Variants in REXO4 observed in about 807,000 individuals in gnomAD.
REXO4 encodes REX4 homolog, 3'-5' exonuclease.
Under a neutral mutation model 39.9 loss-of-function variants are expected in REXO4, and 29 were observed. The observed-to-expected ratio is 0.73, with a 90% CI of 0.54 to 0.99. The LOEUF is 0.99. Ranked by LOEUF, REXO4 falls within the 50% of genes least tolerant of loss-of-function variation. The pLI is 0.00. For synonymous variants in REXO4, 184 were observed against 206.2 expected (o/e 0.89, Z 0.92); for missense variants, 524 against 546.5 (o/e 0.96, Z 0.41).
rs587730404 is a variant in REXO4 at position 133,411,628 on chromosome 9, A to T, written c.911-555T>A. 5.3e-5 allele frequency among the ~76,000 whole-genome samples: 8 copies of T among 152,296 alleles called. No individual in the cohort carries two copies. The South Asian group carries it at 8.3e-4, about 16-fold the overall frequency. On this transcript the variant is annotated intron_variant, in intron 4 of 7. Transcript: ENST00000371942. ...GCCAAGTGGGACCAGCTAATTTTTT[A>T]AAAATATTTTTTAGAAGGCCAGGTG...
Position 133,406,909 on chromosome 9 carries a change from C to A in REXO4, c.*44G>T, listed in dbSNP as rs1248318901. 1.2e-6 allele frequency: 2 copies of A among 1,604,778 alleles called. No individual in the cohort carries two copies. Among genetic ancestry groups the A allele is most frequent in the South Asian group, 2.2e-5 (2 of 91,046 alleles). Reference sequence around the variant, plus strand: ...TGTGATCTGTCCCTGTGACTGGTCACATTGCCTCTGTAGCGGGGCGGCAGC... The same window carrying A: ...TGTGATCTGTCCCTGTGACTGGTCAAATTGCCTCTGTAGCGGGGCGGCAGC... On this transcript the variant is annotated 3_prime_UTR_variant, in exon 8 of 8. Coordinates refer to ENST00000371942, the MANE Select transcript of REXO4 (RefSeq NM_020385.4).
intron 2 of REXO4, chr9:133,414,384 T>C: frequency 1.6e-6 from 1 of 639,300 alleles, no homozygotes; most frequent in East Asian, 3.2e-5. Flanking sequence ...GGGACAGGCC[T>C]CATACTTGGG....
chr9:133,407,014 C>T lies in REXO4; in HGVS notation c.1208G>A (p.Ser403Asn), dbSNP rs1554778988. Residue 403 changes from serine to asparagine, a missense_variant, in exon 8 of 8, where the codon AGC becomes AAC. Transcript: ENST00000371942. ...CAGGGGGCGCCTGTCTCGGGCCATG[C>T]TCTCCCACTCCTTCTTCACCATGAC... Reference protein sequence around the residue: ...LYVMVKKEWESMARDRRPLLT... With the variant: ...LYVMVKKEWENMARDRRPLLT... The T allele has an allele frequency of 2.5e-6, 4 of 1,613,262 alleles. No homozygotes were observed.
chr9:133,412,208 G>T, intron 4 of REXO4, 91 bp downstream of exon 4: 1 of 1,323,200 alleles, frequency 7.6e-7, no homozygotes, highest in Non-Finnish European at 1.1e-6. Context: ...CAGCTGCAGT[G>T]AGTGGTCTCA....
At position 133,407,201 on chromosome 9, in the gene REXO4, C is replaced by T. The variant is rs587605942; in HGVS notation, c.1150-129G>A. The T allele has an allele frequency of 2.9e-5, 41 of 1,412,228 alleles. 1 individual carries two copies. Among genetic ancestry groups the T allele is most frequent in the African/African-American group, 1.1e-4 (8 of 71,474 alleles). The allele number at this position is 1,412,228 out of a possible 1,614,324, so 87.5% of individuals were successfully genotyped here. ...ACTGAGTGAGACATGGACCTGGCCA[C>T]GAGATGTCACCAGGACGGGGAGGGA... On this transcript the variant is annotated intron_variant, in intron 7 of 7. Transcript: ENST00000371942.
intron 4 of REXO4, 33 bp from the exon 5 acceptor site, chr9:133,411,106 C>T (rs372661744): frequency 1.9e-5 from 29 of 1,537,438 alleles, no homozygotes; most frequent in Non-Finnish European, 1.7e-5. Flanking sequence ...CGGTTTTTTG[C>T]AACACACACA....
intron 5 of REXO4, among the ~76,000 whole-genome samples, chr9:133,410,772 C>T (rs1357113788): frequency 1.3e-5 from 2 of 152,208 alleles, no homozygotes; most frequent in East Asian, 3.8e-4. Context: ...GGTATGGGTA[C>T]CCCAGTTTCG....
chr9:133,412,936 T>G lies in REXO4; in HGVS notation c.573-15A>C. On this transcript the variant is annotated splice_polypyrimidine_tract_variant and intron_variant, in intron 2 of 7. Coordinates refer to ENST00000371942, the MANE Select transcript of REXO4 (RefSeq NM_020385.4). ...AGATGTCTTCCCTAAAAGGCAAAGA[T>G]AACAGGCTGATCACCAGAAGACCCT... The G allele has an allele frequency of 1.2e-6, 2 of 1,612,512 alleles. No homozygotes were observed. Among genetic ancestry groups the G allele is most frequent in the Non-Finnish European group, 1.7e-6 (2 of 1,179,318 alleles).
At position 133,409,186 on chromosome 9, in the gene REXO4, C is replaced by T. The variant is rs587641625; in HGVS notation, c.1000-344G>A. 8.5e-5 allele frequency among the ~76,000 whole-genome samples: 13 copies of T among 152,160 alleles called. No homozygotes were observed. In the East Asian group the frequency reaches 2.3e-3, roughly 27 times the overall value. On this transcript the variant is annotated intron_variant, in intron 5 of 7. Coordinates refer to ENST00000371942, the MANE Select transcript of REXO4 (RefSeq NM_020385.4). ...TTTGCCATGTTGGCCAGGCTGGTCT[C>T]GAACTCCTGACCTCAGGTGATCCAC...
chr9:133,417,794 C>T lies in REXO4; in HGVS notation c.51G>A (p.Val17=). ...PASKRAPSSP[V]AKPGPVKTLT... is the part of the protein sequence containing the mutation. ...GCGTCTTGACAGGACCCGGCTTAGC[C>T]ACGGGGCTGCTCGGGGCGCGCTTGG... The change falls in exon 1 of 8, where the codon GTG becomes GTA. Residue 17 remains valine (V), a synonymous_variant. Coordinates refer to ENST00000371942, the MANE Select transcript of REXO4 (RefSeq NM_020385.4). 1 of 1,608,930 alleles carries T rather than the reference C, an allele frequency of 6.2e-7. No homozygotes were observed. The highest frequency in any genetic ancestry group is 1.1e-5 in the South Asian group (1 of 91,072).
Position 133,417,693 on chromosome 9 carries a change from C to T in REXO4, c.152G>A (p.Ser51Asn), listed in dbSNP as rs919229021. ...KAREVSKKPASGPGAVVRPPK... is the reference protein window; with the variant it reads ...KAREVSKKPANGPGAVVRPPK... The stretch of plus-strand genomic sequence containing the variant: ...AGGTCGCACCACAGCACCGGGGCCG[C>T]TTGCTGGCTTCTTGCTTACTTCCCG... Residue 51 changes from serine to asparagine, a missense_variant, in exon 1 of 8, where the codon AGC becomes AAC. Transcript: ENST00000371942. The T allele has an allele frequency of 1.2e-6, 2 of 1,614,038 alleles. No homozygotes were observed. Among genetic ancestry groups the T allele is most frequent in the African/African-American group, 2.7e-5 (2 of 74,956 alleles).
chr9:133,414,573 G>A (rs1681777229), intron 2 of REXO4, 92 bp downstream of exon 2: 1 of 1,071,620 alleles, frequency 9.3e-7, no homozygotes, highest in Non-Finnish European at 1.5e-6. Flanking sequence ...GTGATGGAGA[G>A]ACTGCGGTGA....
In REXO4 at chr9:133,412,348, C is replaced by T. The variant is rs782681565; in HGVS notation, c.861G>A (p.Thr287=). The stretch of plus-strand genomic sequence containing the variant: ...TCCCACTGACCGCTGTCCTATAGTC[C>T]GTCACGGGCTCGGTTGGTTTGACGT... ...DKYVKPTEPV[T]DYRTAVSGIR... Residue 287 remains threonine, a synonymous_variant, in exon 4 of 8, where the codon ACG becomes ACA. Transcript: ENST00000371942. 3.0e-5 allele frequency: 48 copies of T among 1,613,982 alleles called. No homozygotes were observed. Among genetic ancestry groups the T allele is most frequent in the East Asian group, 2.7e-4 (12 of 44,888 alleles).
intron 5 of REXO4, among the ~76,000 whole-genome samples, chr9:133,410,745 G>A (rs957908704): frequency 2.0e-5 from 3 of 152,336 alleles, no homozygotes; most frequent in African/African-American, 7.2e-5. Context: ...CATTAGGGCG[G>A]GGTTGCCAGC....
chr9:133,411,074 C>T lies in REXO4; in HGVS notation c.911-1G>A. ...TTCTGAACAACTTCAAGCTCTTCTCCTGGAAAATCAACACAAAGAAGCGGT... is the reference window on the plus strand; with the variant it reads ...TTCTGAACAACTTCAAGCTCTTCTCTTGGAAAATCAACACAAAGAAGCGGT... On this transcript the variant is annotated splice_acceptor_variant, in intron 4 of 7. Coordinates refer to ENST00000371942, the MANE Select transcript of REXO4 (RefSeq NM_020385.4). LOFTEE classifies it high-confidence loss of function. 6.2e-7 allele frequency: 1 copy of T among 1,613,976 alleles called. No individual in the cohort carries two copies. The highest frequency in any genetic ancestry group is 8.5e-7 in the Non-Finnish European group (1 of 1,179,872).
intron 1 of REXO4, among the ~76,000 whole-genome samples, 169 bp from the exon 2 acceptor site, chr9:133,415,180 T>C (rs2130736910): frequency 6.6e-6 from 1 of 152,310 alleles, no homozygotes. Context: ...AAAAGCTCTT[T>C]TTCATTCTCA....
At chr9:133,417,547 C>G (rs948786710) in intron 1 of REXO4, 73 bp downstream of exon 1, 21 of 1,506,790 alleles carry the variant, frequency 1.4e-5, no homozygotes, top group Middle Eastern at 3.7e-4. Context: ...TGGGGCTACC[C>G]AAGTCTTTCC....
chr9:133,412,147 T>G (rs1839246186), intron 4 of REXO4, 152 bp downstream of exon 4: 10 of 796,452 alleles, frequency 1.3e-5, no homozygotes, highest in Non-Finnish European at 2.0e-5. Context: ...TAAGGATGCC[T>G]TTTGTATTTT....
intron 5 of REXO4, among the ~76,000 whole-genome samples, chr9:133,410,017 G>A (rs4962143): frequency 0.11 from 16,120 of 152,124 alleles, 1,075 homozygotes; most frequent in African/African-American, 0.18. Flanking sequence ...GACACTGCCC[G>A]GGGGGTTCTC....
Sources: gnomAD v4.1 joint callset for allele counts (sites outside exome capture counted in the v4.1 genomes callset) on GRCh38, gnomAD v4.1.1 for gene constraint, MANE v1.5 for transcripts, NCBI Gene and HGNC (gene_info 2026-07-23, HGNC 2026-07-21) for gene names.